The following POLR2F variants were observed in gnomAD, a reference collection of about 807,000 sequenced individuals.
POLR2F encodes DNA-directed RNA polymerases I, II, and III subunit RPABC2.
Under a neutral mutation model 22.7 loss-of-function variants are expected in POLR2F, and 12 were observed. That is an observed-to-expected ratio of 0.53 (90% confidence interval 0.34 to 0.86). The LOEUF is 0.86. POLR2F is among the 40% of genes least tolerant of loss of function. The pLI is 0.02. For missense variants in POLR2F, 126 were observed against 171.5 expected, an observed-to-expected ratio of 0.73 and a Z score of 1.48; for synonymous variants, 57 against 66.0, an observed-to-expected ratio of 0.86 and a Z score of 0.66.
At chr22:38,028,503 C>T (rs1314299770), downstream of POLR2F, among the ~76,000 whole-genome samples, 4 of 151,484 alleles carry the variant, frequency 2.6e-5, no homozygotes, top group East Asian at 1.9e-4. Context: ...TGTGTGTGTG[C>T]GTGTGCGTAC....
chr22:38,018,438 A>G (rs564179006), intron 1 of POLR2F, among the ~76,000 whole-genome samples: 5 of 152,276 alleles, frequency 3.3e-5, no homozygotes, highest in Non-Finnish European at 7.4e-5. Context: ...ATCAAGGCTC[A>G]TAAGTGTCAT....
upstream of POLR2F, among the ~76,000 whole-genome samples, chr22:37,985,834 C>T (rs969599751): frequency 2.0e-3 from 302 of 152,024 alleles, no homozygotes; most frequent in Non-Finnish European, 3.9e-3. Context: ...CACACACACA[C>T]ACACACACAC....
chr22:38,022,529 C>CGACAAG (rs2084968605), intron 1 of POLR2F, among the ~76,000 whole-genome samples: 1 of 112,202 alleles, frequency 8.9e-6, no homozygotes. Flanking sequence ...CCAGCCTGGG[C>CGACAAG]AACAAGAGTG....
intron 1 of POLR2F, among the ~76,000 whole-genome samples, chr22:38,010,612 T>G (rs2084863447): frequency 7.5e-6 from 1 of 133,124 alleles, no homozygotes; most frequent in South Asian, 2.7e-4. Flanking sequence ...GTTTTTTTTT[T>G]TTTTTTTTTT....
In POLR2F at chr22:38,041,041, CGTAGTTATCCCTGT is replaced by C. The variant is rs776482572; in HGVS notation, c.453-24_453-11del. The C allele has an allele frequency of 1.2e-5, 20 of 1,612,800 alleles. No individual in the cohort carries two copies. The East Asian group carries it at 4.2e-4, about 34-fold the overall frequency. Reference sequence around the variant, plus strand: ...TCAACACAGTGAAGGAAGACGGCACCGTAGTTATCCCTGTGTTATTTTCCAGGAGGCGGCGGCTC... The same window carrying C: ...TCAACACAGTGAAGGAAGACGGCACCGTTATTTTCCAGGAGGCGGCGGCTC... On this transcript the variant is annotated splice_polypyrimidine_tract_variant and intron_variant, in intron 5 of 5. Coordinates refer to the POLR2F transcript ENST00000407936.
At chr22:37,990,405 T>C (rs1228400588) in intron 1 of POLR2F, among the ~76,000 whole-genome samples, 1 of 152,260 alleles carries the variant, frequency 6.6e-6, no homozygotes, top group Non-Finnish European at 1.5e-5. Context: ...GCCTGGCCTC[T>C]GCTCTCTTCT....
chr22:38,025,682 C>T (rs565576199), intron 1 of POLR2F: 20 of 1,547,840 alleles, frequency 1.3e-5, no homozygotes, highest in Middle Eastern at 1.7e-4. Flanking sequence ...CCCGACAGTC[C>T]TGCTGGGTGG....
chr22:37,986,407 G>T lies in POLR2F; in HGVS notation c.120+95G>T, dbSNP rs1037743375. On this transcript the variant is annotated intron_variant, in intron 1 of 2. Coordinates refer to the POLR2F transcript ENST00000333418. This position sits in a 1 kb window ranked among gnomAD's most constrained non-coding sequence, Gnocchi z 4.7. The stretch of plus-strand genomic sequence containing the variant: ...TGTGTCTGTGACTGGCCTGAGACCC[G>T]CCTGGGGCAGGAGGGGTGGTTGTGG... The T allele has an allele frequency of 6.0e-5, 92 of 1,531,274 alleles. No individual in the cohort carries two copies. Among genetic ancestry groups the T allele is most frequent in the South Asian group, 3.5e-4 (29 of 83,356 alleles). The allele number at this position is 1,531,274 out of a possible 1,614,324, so 94.9% of individuals were successfully genotyped here.
chr22:38,028,513 C>T (rs186325186), downstream of POLR2F, among the ~76,000 whole-genome samples: 5 of 151,604 alleles, frequency 3.3e-5, no homozygotes, highest in African/African-American at 4.8e-5. Flanking sequence ...CGTGTGCGTA[C>T]GTGTGTGTGC....
At chr22:37,995,161 C>T (rs896435841) in intron 1 of POLR2F, among the ~76,000 whole-genome samples, 1 of 152,230 alleles carries the variant, frequency 6.6e-6, no homozygotes, top group Non-Finnish European at 1.5e-5. Context: ...AGGGAGCTGG[C>T]CTCTGACGTC....
chr22:37,972,376 C>A, downstream of POLR2F: 1 of 493,642 alleles, frequency 2.0e-6, no homozygotes, highest in Non-Finnish European at 3.7e-6. Flanking sequence ...GCTAGAGTGG[C>A]TAGGAGAGGG....
At chr22:38,020,012 C>A (rs916216592) in intron 1 of POLR2F, among the ~76,000 whole-genome samples, 3 of 150,808 alleles carry the variant, frequency 2.0e-5, no homozygotes, top group Admixed American at 2.0e-4. Flanking sequence ...AAAACTCTGT[C>A]TAAAAAAAAA....
intron 1 of POLR2F, among the ~76,000 whole-genome samples, chr22:38,007,865 G>C (rs1303540889): frequency 6.6e-6 from 1 of 152,244 alleles, no homozygotes; most frequent in East Asian, 1.9e-4. Flanking sequence ...GCGCGAGTGA[G>C]TATAGACGCT....
At chr22:37,992,515 C>T (rs1262021348) in intron 1 of POLR2F, among the ~76,000 whole-genome samples, 1 of 152,120 alleles carries the variant, frequency 6.6e-6, no homozygotes, top group Non-Finnish European at 1.5e-5. Context: ...CTGCCTCAGC[C>T]TCCCGACTAG....
At chr22:37,973,977 G>A, downstream of POLR2F, 1 of 1,612,452 alleles carries the variant, frequency 6.2e-7, no homozygotes, top group Non-Finnish European at 8.5e-7. Flanking sequence ...ACATGGCCTG[G>A]GTGCCCATTG....
downstream of POLR2F, among the ~76,000 whole-genome samples, chr22:38,030,278 G>A (rs1480131764): frequency 1.3e-5 from 2 of 152,042 alleles, no homozygotes; most frequent in East Asian, 1.9e-4. Flanking sequence ...GCCAGGAGTC[G>A]GGCCCTCTGG....
At chr22:37,953,957 C>T (rs1010472749) in intron 1 of POLR2F, 150 bp downstream of exon 1, 3 of 935,142 alleles carry the variant, frequency 3.2e-6, no homozygotes, top group African/African-American at 1.7e-5. Context: ...AAGGGAAGGG[C>T]GGGCGACCCA....
At chr22:38,022,454 G>A (rs1569182768) in intron 1 of POLR2F, among the ~76,000 whole-genome samples, 1 of 151,500 alleles carries the variant, frequency 6.6e-6, no homozygotes, top group East Asian at 1.9e-4. Context: ...AGAAGGCTGA[G>A]GTGGGAGAAT....
At position 37,967,769 on chromosome 22, in the gene POLR2F, T is replaced by G; in HGVS notation, c.*54T>G. The G allele has an allele frequency of 3.2e-6, 5 of 1,565,562 alleles. No individual in the cohort carries two copies. The South Asian group carries it at 5.9e-5, about 19-fold the overall frequency. On this transcript the variant is annotated 3_prime_UTR_variant, in exon 5 of 5. Transcript: ENST00000442738. ...ATGCCCAATTTTCATTCTCACTTTA[T>G]ATGTGTAAATAATAAAATATTCAAC...
Sources: allele counts gnomAD v4.1 joint callset (sites outside exome capture counted in the v4.1 genomes callset), GRCh38; gene constraint gnomAD v4.1.1; non-coding constraint Gnocchi (gnomAD v3.1); transcripts MANE v1.5; gene names NCBI Gene and HGNC (gene_info 2026-07-23, HGNC 2026-07-21).